ZNF721: variants seen among roughly 807,000 people sequenced by gnomAD.
The protein encoded by ZNF721 is zinc finger protein 721.
ZNF721 carries 2 observed loss-of-function variants against 2.4 expected under a neutral mutation model. That is an observed-to-expected ratio of 0.82 (90% confidence interval 0.34 to 2.58). The LOEUF (loss-of-function observed/expected upper bound fraction) is 2.58. Ranked by LOEUF, ZNF721 falls within the 30% of genes most tolerant of loss-of-function variation. ZNF721 has a pLI of 0.11. For missense variants in ZNF721, 1,187 were observed against 1,085.5 expected, an observed-to-expected ratio of 1.09 and a Z score of -1.31; for synonymous variants, 398 against 381.8, an observed-to-expected ratio of 1.04 and a Z score of -0.50.
At chr4:455,305 C>T (rs782701409) in intron 2 of ZNF721, among the ~76,000 whole-genome samples, 3 of 152,188 alleles carry the variant, frequency 2.0e-5, no homozygotes, top group Non-Finnish European at 2.9e-5. Flanking sequence ...TCCTGGCTCA[C>T]ACCTGTAATC....
chr4:478,243 C>T (rs1227558271), intron 1 of ZNF721, among the ~76,000 whole-genome samples: 6 of 152,106 alleles, frequency 3.9e-5, no homozygotes, highest in African/African-American at 9.7e-5. Flanking sequence ...ACGTGTTCCT[C>T]CTCCCTCAGC....
rs782196943 is a variant in ZNF721, at chr4:441,966, T to C, written c.2501A>G (p.Glu834Gly). The C allele has an allele frequency of 1.2e-6, 2 of 1,614,136 alleles. No homozygotes were observed. Among genetic ancestry groups the C allele is most frequent in the South Asian group, 2.2e-5 (2 of 91,078 alleles). ...ACATTCTTCACATGTGTAGGGTTTC[T>C]CTCCAGTATGAATTCTCCTATGTTT... is the stretch of plus-strand genomic sequence containing the variant. ...LTKHRRIHTG[E>G]KPYTCEECGK... Residue 834 changes from glutamate (E) to glycine (G), a missense_variant, in exon 3 of 3, where the codon GAG becomes GGG. By Grantham distance (98) the Glu-to-Gly change is moderately conservative. Transcript: ENST00000511833.
intron 2 of ZNF721, among the ~76,000 whole-genome samples, chr4:452,025 G>T (rs74727390): frequency 0.021 from 3,142 of 152,298 alleles, 67 homozygotes; most frequent in East Asian, 0.11. Context: ...CTTGCTTACT[G>T]CTTGTAAGTT....
At chr4:465,448 T>C (rs1279292087) in intron 2 of ZNF721, among the ~76,000 whole-genome samples, 1 of 151,588 alleles carries the variant, frequency 6.6e-6, no homozygotes, top group African/African-American at 2.4e-5. Flanking sequence ...TTTTTTTTTT[T>C]TGAGACGGAG....
intron 1 of ZNF721, among the ~76,000 whole-genome samples, chr4:476,559 T>G (rs1202803041): frequency 1.3e-5 from 2 of 152,168 alleles, no homozygotes; most frequent in Non-Finnish European, 2.9e-5. Context: ...CCACACCATT[T>G]AACAATAATT....
intron 1 of ZNF721, among the ~76,000 whole-genome samples, chr4:473,422 G>C (rs1349396643): frequency 2.6e-5 from 4 of 152,100 alleles, no homozygotes; most frequent in African/African-American, 9.7e-5. Context: ...ATGCCACTCG[G>C]GAGCAGCCAC....
Position 441,829 on chromosome 4 carries a change from G to T in ZNF721, c.2638C>A (p.Leu880Ile), listed in dbSNP as rs375529345. The T allele has an allele frequency of 1.2e-6, 2 of 1,613,912 alleles. No homozygotes were observed. Among genetic ancestry groups the T allele is most frequent in the African/African-American group, 2.7e-5 (2 of 74,924 alleles). ...GTATGAATTTTCTTATGCGCATAAA[G>T]ATTTGCAGACTGTCTAAAGGTTTTG... is the stretch of plus-strand genomic sequence containing the variant. Reference protein sequence around the residue: ...CGKTFRQSANLYAHKKIHTGE... With the variant: ...CGKTFRQSANIYAHKKIHTGE... Residue 880 changes from leucine to isoleucine, a missense_variant, in exon 3 of 3, where the codon CTT becomes ATT. Leu to Ile is a conservative substitution (Grantham distance 5). Coordinates refer to ENST00000511833, the MANE Select transcript of ZNF721 (RefSeq NM_133474.4).
chr4:466,127 A>G (rs1391407060), intron 2 of ZNF721, among the ~76,000 whole-genome samples: 4 of 151,672 alleles, frequency 2.6e-5, no homozygotes, highest in African/African-American at 9.7e-5. Context: ...CTCAGTTATT[A>G]AAAGAAAACT....
At chr4:495,331 C>CAA (rs548290022) in intron 1 of ZNF721, among the ~76,000 whole-genome samples, 12,268 of 90,380 alleles carry the variant, frequency 0.14, 1,057 homozygotes, top group African/African-American at 0.29. Context: ...AACTTTTGCT[C>CAA]AAAAAAAAAA....
Position 441,200 on chromosome 4 carries a change from A to G in ZNF721, c.*495T>C, listed in dbSNP as rs1714221987. On this transcript the variant is annotated 3_prime_UTR_variant, in exon 3 of 3. Coordinates refer to ENST00000511833, the MANE Select transcript of ZNF721 (RefSeq NM_133474.4). ...ACTATTCTTCACTTTAATGGCCTAT[A>G]TTTTCTAAAAGGTCTTTCAACAGAA... The G allele has an allele frequency of 6.4e-6, 1 of 156,164 alleles. No individual in the cohort carries two copies. Among genetic ancestry groups the G allele is most frequent in the Non-Finnish European group, 1.4e-5 (1 of 70,702 alleles). 9.7% of individuals were successfully genotyped at this position (156,164 alleles called of 1,614,324 possible).
In ZNF721 at chr4:442,548, G is replaced by C. The variant is rs561807319; in HGVS notation, c.1919C>G (p.Pro640Arg). Reference protein sequence around the residue: ...QQKKIYTGEKPYKCEECGKAF... With the variant: ...QQKKIYTGEKRYKCEECGKAF... ...TTTGCCACACTCTTCACATTTGTAAGGTTTCTCCCCAGTGTAAATTTTCTT... is the reference window on the plus strand; with the variant it reads ...TTTGCCACACTCTTCACATTTGTAACGTTTCTCCCCAGTGTAAATTTTCTT... Residue 640 changes from proline (P) to arginine (R), a missense_variant, in exon 3 of 3, where the codon CCT becomes CGT. Pro to Arg is a moderately radical substitution (Grantham distance 103). Coordinates refer to ENST00000511833, the MANE Select transcript of ZNF721 (RefSeq NM_133474.4). The C allele has an allele frequency of 1.9e-6, 3 of 1,613,800 alleles. No homozygotes were observed. The South Asian group carries it at 3.3e-5, about 18-fold the overall frequency.
intron 2 of ZNF721, among the ~76,000 whole-genome samples, chr4:461,439 T>G (rs1337570958): frequency 6.6e-6 from 1 of 150,966 alleles, no homozygotes; most frequent in Non-Finnish European, 1.5e-5. Context: ...AACTAGGTAC[T>G]GATGGAATGT....
At chr4:464,121 A>C (rs1299058401) in intron 2 of ZNF721, among the ~76,000 whole-genome samples, 3 of 152,198 alleles carry the variant, frequency 2.0e-5, no homozygotes, top group African/African-American at 7.2e-5. Flanking sequence ...AAAAATTTTA[A>C]CAGAAAGCTT....
chr4:470,240 C>T lies in ZNF721; in HGVS notation c.34+2335G>A, dbSNP rs114532119. On this transcript the variant is annotated intron_variant, in intron 2 of 2. Transcript: ENST00000511833. ...ATTAACTCAAAATGAAACACTTACA[C>T]GTAAGACAAAAACCTTAGAACTCCT... is the stretch of plus-strand genomic sequence containing the variant. Among the ~76,000 whole-genome samples the T allele has an allele frequency of 3.4e-3, 520 of 152,162 alleles. 4 individuals are homozygous for T. Among genetic ancestry groups the T allele is most frequent in the African/African-American group, 0.012 (505 of 41,510 alleles).
intron 1 of ZNF721, among the ~76,000 whole-genome samples, chr4:477,254 CTTTTTTTTTTTT>C (rs35272784): frequency 4.0e-5 from 3 of 74,168 alleles, no homozygotes; most frequent in African/African-American, 1.1e-4. Flanking sequence ...TGGTGAGTTC[CTTTTTTTTTTTT>C]TTTTTTTTTT....
Position 443,288 on chromosome 4 carries a change from C to A in ZNF721, c.1179G>T (p.Glu393Asp). The A allele has an allele frequency of 1.2e-6, 2 of 1,612,428 alleles. No individual in the cohort carries two copies. The highest frequency in any genetic ancestry group is 1.7e-6 in the Non-Finnish European group (2 of 1,179,472). Residue 393 changes from glutamate to aspartate, a missense_variant, in exon 3 of 3, where the codon GAG becomes GAT. Transcript: ENST00000511833. The stretch of plus-strand genomic sequence containing the variant: ...TTGAACTATTAAAGGCTTTGCCACA[C>A]TCTTCACATTTGTAAGGTTTCTCTC... ...HTGEKPYKCEECGKAFNSSTN... is the reference protein window; with the variant it reads ...HTGEKPYKCEDCGKAFNSSTN...
intron 2 of ZNF721, among the ~76,000 whole-genome samples, chr4:472,260 C>T (rs1190587581): frequency 6.6e-6 from 1 of 152,146 alleles, no homozygotes. Context: ...CAGGGTTTTG[C>T]CATGTTGGCA....
At chr4:478,467 CTCA>C (rs1417859460) in intron 1 of ZNF721, among the ~76,000 whole-genome samples, 1 of 152,168 alleles carries the variant, frequency 6.6e-6, no homozygotes, top group Non-Finnish European at 1.5e-5. Flanking sequence ...TCTCTCCTCT[CTCA>C]TTTTTTTAAC....
intron 1 of ZNF721, among the ~76,000 whole-genome samples, chr4:492,111 C>T (rs1716037548): frequency 6.6e-6 from 1 of 150,918 alleles, no homozygotes; most frequent in Non-Finnish European, 1.5e-5. Context: ...TGCAGTGAGC[C>T]GAGATCACGC....
Sources: allele counts gnomAD v4.1 joint callset (sites outside exome capture counted in the v4.1 genomes callset), GRCh38; gene constraint gnomAD v4.1.1; transcripts MANE v1.5; gene names NCBI Gene and HGNC (gene_info 2026-07-23, HGNC 2026-07-21).